CYP3A5: variants seen among roughly 807,000 people sequenced by gnomAD.
The protein encoded by CYP3A5 is cytochrome P450 family 3 subfamily A member 5, also known as cytochrome P450 3A5.
CYP3A5 carries 51 observed loss-of-function variants against 55.9 expected under a neutral mutation model. The ratio of observed to expected loss-of-function variants is 0.91; its 90% CI spans 0.73 to 1.15. CYP3A5 has a LOEUF of 1.15. Among genes scored for constraint, CYP3A5 ranks in the 50% most tolerant of loss-of-function variants. The pLI, the probability that CYP3A5 is intolerant of heterozygous loss-of-function variation, is 0.00. For synonymous variants in CYP3A5, 196 were observed against 213.9 expected (o/e 0.92, Z 0.73); for missense variants, 533 against 596.6 (o/e 0.89, Z 1.11).
At chr7:99,678,412 C>T (rs1305946341) in intron 1 of CYP3A5, among the ~76,000 whole-genome samples, 1 of 152,222 alleles carries the variant, frequency 6.6e-6, no homozygotes, top group African/African-American at 2.4e-5. Context: ...TGCTTACTCC[C>T]CTGTCCTGAG....
chr7:99,648,664 GTTT>G (rs4646455), intron 12 of CYP3A5, among the ~76,000 whole-genome samples: 61 of 141,402 alleles, frequency 4.3e-4, no homozygotes, highest in Admixed American at 9.2e-4. Context: ...GTGGACTCGT[GTTT>G]TTTTTTTTTT....
chr7:99,661,192 T>G (rs563534590), intron 9 of CYP3A5, among the ~76,000 whole-genome samples: 221 of 152,334 alleles, frequency 1.5e-3, no homozygotes, highest in Non-Finnish European at 2.6e-3. Context: ...GATCACCTCT[T>G]GCTACTCAAA....
chr7:99,676,795 G>A (rs1006205517), intron 1 of CYP3A5, among the ~76,000 whole-genome samples: 1 of 152,100 alleles, frequency 6.6e-6, no homozygotes, highest in Non-Finnish European at 1.5e-5. Context: ...CCTTGGAGGA[G>A]TCATGGAGTC....
Position 99,652,446 on chromosome 7 carries a change from A to C in CYP3A5, c.1253+107T>G, listed in dbSNP as rs1214320792. ...ACTTTTTTGTGATAAAAAGACTTAC[A>C]AGCAAATGATTGTACAACCACACGA... On this transcript the variant is annotated intron_variant, in intron 11 of 12. Coordinates refer to ENST00000222982, the MANE Select transcript of CYP3A5 (RefSeq NM_000777.5). 5 of 780,590 alleles carry C rather than the reference A, an allele frequency of 6.4e-6. No homozygotes were observed. In the African/African-American group the frequency reaches 8.6e-5, roughly 13 times the overall value. The allele number at this position is 780,590 out of a possible 1,614,324, so 48.4% of individuals were successfully genotyped here.
At chr7:99,651,267 C>T (rs1207855682) in intron 11 of CYP3A5, among the ~76,000 whole-genome samples, 1 of 152,122 alleles carries the variant, frequency 6.6e-6, no homozygotes, top group Admixed American at 6.5e-5. Context: ...TATATATACA[C>T]ACACATATAC....
Position 99,653,765 on chromosome 7 carries a change from GT to G in CYP3A5, c.1027-987del, listed in dbSNP as rs1809415686. 1.3e-5 allele frequency among the ~76,000 whole-genome samples: 2 copies of G among 152,204 alleles called. No individual in the cohort carries two copies. Among genetic ancestry groups the G allele is most frequent in the Admixed American group, 1.3e-4 (2 of 15,282 alleles). On this transcript the variant is annotated intron_variant, in intron 10 of 12. Coordinates refer to ENST00000222982, the MANE Select transcript of CYP3A5 (RefSeq NM_000777.5). This position sits in a 1 kb window ranked among gnomAD's most constrained non-coding sequence, Gnocchi z 4.2. Reference sequence around the variant, plus strand: ...TCTCTTCACACTAAAAAGAATCCCAGTTTGGGCAGAAGTCTGAAAACTGTGG... The same window carrying G: ...TCTCTTCACACTAAAAAGAATCCCAGTTGGGCAGAAGTCTGAAAACTGTGG...
chr7:99,652,113 A>C (rs1420742455), intron 11 of CYP3A5, among the ~76,000 whole-genome samples: 1 of 151,704 alleles, frequency 6.6e-6, no homozygotes, highest in Non-Finnish European at 1.5e-5. Context: ...AAAAGCCTAT[A>C]CACCTGAAAT....
Position 99,676,211 on chromosome 7 carries a change from A to G in CYP3A5, c.72-3T>C, listed in dbSNP as rs1812266774. 6.2e-7 allele frequency: 1 copy of G among 1,613,448 alleles called. No homozygotes were observed. The highest frequency in any genetic ancestry group is 8.5e-7 in the Non-Finnish European group (1 of 1,179,736). On this transcript the variant is annotated splice_region_variant and splice_polypyrimidine_tract_variant and intron_variant, in intron 1 of 12. Coordinates refer to ENST00000222982, the MANE Select transcript of CYP3A5 (RefSeq NM_000777.5). ...GTCCATGTGTACGGGTCCCATATCT[A>G]CAAAGTGAAACAGAAATCAGGTCAC...
At chr7:99,665,016 G>A (rs1467788673) in intron 7 of CYP3A5, 150 bp downstream of exon 7, 8 of 809,874 alleles carry the variant, frequency 9.9e-6, no homozygotes, top group Non-Finnish European at 1.5e-5. Flanking sequence ...AAACATTTTA[G>A]TTTACAATAG....
At chr7:99,654,036 G>C (rs946194403) in intron 10 of CYP3A5, among the ~76,000 whole-genome samples, 1 of 152,052 alleles carries the variant, frequency 6.6e-6, no homozygotes, top group Non-Finnish European at 1.5e-5. Context: ...TCACTATCCA[G>C]TCTTGTGAGC....
intron 9 of CYP3A5, 47 bp from the exon 10 acceptor site, chr7:99,660,706 A>G (rs767818195): frequency 8.5e-5 from 136 of 1,600,042 alleles, no homozygotes; most frequent in Middle Eastern, 8.3e-4. Flanking sequence ...TCAACGTACA[A>G]CATCACAGCT....
intron 1 of CYP3A5, chr7:99,677,312 A>G: frequency 1.1e-6 from 1 of 936,842 alleles, no homozygotes; most frequent in Non-Finnish European, 1.3e-6. Context: ...AGCCCCACAC[A>G]GTTGGCTCCA....
chr7:99,679,246 A>G (rs1363408250), intron 1 of CYP3A5, among the ~76,000 whole-genome samples: 1 of 152,138 alleles, frequency 6.6e-6, no homozygotes. Context: ...GGGGCATGGC[A>G]CAGGAAAGAG....
chr7:99,665,101 T>C, intron 7 of CYP3A5, 65 bp downstream of exon 7: 5 of 1,328,014 alleles, frequency 3.8e-6, no homozygotes, highest in Non-Finnish European at 4.2e-6. Flanking sequence ...TTATACGATA[T>C]GTGAATTATA....
Position 99,679,966 on chromosome 7 carries a change from G to C in CYP3A5, c.-70C>G, listed in dbSNP as rs1364498353. 4 of 1,404,220 alleles carry C rather than the reference G, an allele frequency of 2.8e-6. No homozygotes were observed. The African/African-American group carries it at 5.7e-5, about 20-fold the overall frequency. The allele number at this position is 1,404,220 out of a possible 1,614,324, so 87.0% of individuals were successfully genotyped here. A position where few individuals can be genotyped will look rare whatever the true frequency, so the allele number is the denominator to read the frequency against. On this transcript the variant is annotated 5_prime_UTR_variant, in exon 1 of 13. Coordinates refer to ENST00000222982, the MANE Select transcript of CYP3A5 (RefSeq NM_000777.5). ...GCTGAGTGCTGCTGTTTGCTGGGCT[G>C]TTTGCCTGGAGCTTCCCTGCCCTGC... is the stretch of plus-strand genomic sequence containing the variant.
intron 4 of CYP3A5, 137 bp from the exon 5 acceptor site, chr7:99,667,202 A>T: frequency 1.9e-6 from 1 of 533,840 alleles, no homozygotes; most frequent in Middle Eastern, 3.8e-4. Context: ...CATATTCAAG[A>T]TGCTCAATGG....
rs375494568 is a variant in CYP3A5, at chr7:99,679,692, G to A, written c.71+134C>T. 8.5e-5 allele frequency: 66 copies of A among 778,144 alleles called. 1 individual carries two copies. Among genetic ancestry groups the A allele is most frequent in the South Asian group, 5.9e-4 (37 of 63,118 alleles). 48.2% of individuals were successfully genotyped at this position (778,144 alleles called of 1,614,324 possible). A position where few individuals can be genotyped will look rare whatever the true frequency, so the allele number is the denominator to read the frequency against. On this transcript the variant is annotated intron_variant, in intron 1 of 12. Transcript: ENST00000222982. ...CATAAGATAATAATAACTTCTATGC[G>A]TTTGTAGCGTCCAACACTTCAGCTA...
At chr7:99,679,615 C>A (rs1179051460) in intron 1 of CYP3A5, among the ~76,000 whole-genome samples, 1 of 152,124 alleles carries the variant, frequency 6.6e-6, no homozygotes, top group African/African-American at 2.4e-5. Context: ...TCCTAGTCAC[C>A]AAAATTAGAA....
chr7:99,657,332 C>T (rs576817379), intron 10 of CYP3A5, among the ~76,000 whole-genome samples: 5 of 152,256 alleles, frequency 3.3e-5, no homozygotes, highest in Admixed American at 6.5e-5. Flanking sequence ...GCCTTCATTT[C>T]GTTATGTACC....
Sources: gnomAD v4.1 joint callset for allele counts (sites outside exome capture counted in the v4.1 genomes callset) on GRCh38, gnomAD v4.1.1 for gene constraint, Gnocchi (gnomAD v3.1) non-coding constraint, MANE v1.5 for transcripts, NCBI Gene and HGNC (gene_info 2026-07-23, HGNC 2026-07-21) for gene names.